Variants in EXOC4 observed in about 807,000 individuals in gnomAD.
EXOC4 encodes SEC8-like 1.
Under a neutral mutation model 107.2 loss-of-function variants are expected in EXOC4, and 71 were observed. The observed-to-expected ratio is 0.66, with a 90% CI of 0.55 to 0.81. The LOEUF is 0.81. Among genes scored for constraint, EXOC4 ranks in the 30% least tolerant of loss-of-function variants. The pLI is 0.00. For synonymous variants in EXOC4, 456 were observed against 441.2 expected (o/e 1.03, Z -0.42); for missense variants, 1,108 against 1,189.6 (o/e 0.93, Z 1.01).
chr7:133,846,816 T>C lies in EXOC4; in HGVS notation c.1734+29272T>C, dbSNP rs141399388. ...CAGGCCGTACTTTGCTGACTCCTGG[T>C]ATCTGGACAAGATTGCTGGGTTTCG... is the stretch of plus-strand genomic sequence containing the variant. On this transcript the variant is annotated intron_variant, in intron 11 of 17. Transcript: ENST00000253861. Among the ~76,000 whole-genome samples the C allele has an allele frequency of 2.4e-3, 366 of 152,356 alleles. 5 individuals are homozygous for C. Among genetic ancestry groups the C allele is most frequent in the African/African-American group, 8.2e-3 (342 of 41,596 alleles).
At chr7:134,038,834 C>T (rs1795451437) in intron 17 of EXOC4, among the ~76,000 whole-genome samples, 1 of 152,162 alleles carries the variant, frequency 6.6e-6, no homozygotes, top group Non-Finnish European at 1.5e-5. Context: ...TGGAAACAAG[C>T]TCTTCCTAGG....
At chr7:133,811,282 T>G (rs761617079) in intron 10 of EXOC4, among the ~76,000 whole-genome samples, 11 of 152,216 alleles carry the variant, frequency 7.2e-5, no homozygotes, top group Non-Finnish European at 1.6e-4. Context: ...AAGTATTTTC[T>G]TTTCTAATGA....
chr7:133,431,554 C>G (rs1797857175), intron 7 of EXOC4, among the ~76,000 whole-genome samples: 1 of 152,196 alleles, frequency 6.6e-6, no homozygotes, highest in African/African-American at 2.4e-5. Flanking sequence ...TCCTTTCTTT[C>G]CTAATCACTC....
At chr7:133,296,687 G>C (rs1794526608) in intron 3 of EXOC4, among the ~76,000 whole-genome samples, 1 of 151,808 alleles carries the variant, frequency 6.6e-6, no homozygotes. Context: ...TATTGTATTA[G>C]TTTTCCTTTT....
At chr7:133,375,035 T>C in intron 7 of EXOC4, 33 bp downstream of exon 7, 1 of 1,581,222 alleles carries the variant, frequency 6.3e-7, no homozygotes, top group South Asian at 1.1e-5. Context: ...GTCATCTTGA[T>C]TCAGAGTAAC....
intron 10 of EXOC4, among the ~76,000 whole-genome samples, chr7:133,769,304 TG>T (rs1426534733): frequency 3.3e-5 from 5 of 151,862 alleles, no homozygotes; most frequent in Non-Finnish European, 5.9e-5. Flanking sequence ...TGTTGAAAGC[TG>T]GGCTTTCATT....
intron 11 of EXOC4, among the ~76,000 whole-genome samples, chr7:133,876,223 TG>T (rs1645253982): frequency 2.7e-5 from 1 of 37,478 alleles, no homozygotes; most frequent in African/African-American, 1.5e-4. Context: ...AATGAAGAGG[TG>T]TGTGTGTGTG....
intron 10 of EXOC4, among the ~76,000 whole-genome samples, chr7:133,673,589 C>A (rs955697417): frequency 6.6e-6 from 1 of 152,316 alleles, no homozygotes; most frequent in Admixed American, 6.5e-5. Context: ...CATGTCCCAA[C>A]CTCTGGTTGT....
At chr7:133,459,124 G>T (rs1007163827) in intron 7 of EXOC4, among the ~76,000 whole-genome samples, 3 of 152,218 alleles carry the variant, frequency 2.0e-5, no homozygotes, top group Non-Finnish European at 4.4e-5. Flanking sequence ...GAGAACATGA[G>T]GTACATGAAT....
At chr7:133,479,932 C>T (rs1048286044) in intron 8 of EXOC4, 118 bp from the exon 9 acceptor site, 9 of 835,992 alleles carry the variant, frequency 1.1e-5, no homozygotes, top group African/African-American at 5.0e-5. Context: ...AAAGTGTCTT[C>T]ATCACGGAAC....
intron 9 of EXOC4, among the ~76,000 whole-genome samples, chr7:133,512,680 A>G (rs1355133277): frequency 6.6e-6 from 1 of 152,146 alleles, no homozygotes; most frequent in Admixed American, 6.5e-5. Context: ...CCAAACAAAA[A>G]CAAACTGGAG....
chr7:133,446,074 G>A (rs995666150), intron 7 of EXOC4, among the ~76,000 whole-genome samples: 5 of 151,104 alleles, frequency 3.3e-5, no homozygotes, highest in African/African-American at 1.2e-4. Flanking sequence ...CCTTGTTAAG[G>A]AAGATCTCTT....
intron 10 of EXOC4, among the ~76,000 whole-genome samples, chr7:133,669,069 T>C (rs966159228): frequency 6.7e-6 from 1 of 150,170 alleles, no homozygotes; most frequent in African/African-American, 2.4e-5. Context: ...TTCTAGTTAG[T>C]AAGGCATGTT....
chr7:133,271,580 G>A (rs1320707442), intron 1 of EXOC4, among the ~76,000 whole-genome samples: 4 of 152,194 alleles, frequency 2.6e-5, no homozygotes, highest in Non-Finnish European at 5.9e-5. Flanking sequence ...AGGGGCAGAT[G>A]TGTTTCCAGT....
chr7:134,036,413 C>A (rs1324741035), intron 17 of EXOC4, among the ~76,000 whole-genome samples: 9 of 152,112 alleles, frequency 5.9e-5, no homozygotes, highest in Admixed American at 4.6e-4. Flanking sequence ...TATGAGGAAA[C>A]CCCATCTCTA....
At chr7:133,481,594 C>A (rs1381733734) in intron 9 of EXOC4, among the ~76,000 whole-genome samples, 1 of 152,180 alleles carries the variant, frequency 6.6e-6, no homozygotes, top group African/African-American at 2.4e-5. Flanking sequence ...TCCAAAGATG[C>A]TGCTGTACTC....
At chr7:133,721,019 G>A (rs1463963926) in intron 10 of EXOC4, among the ~76,000 whole-genome samples, 5 of 152,170 alleles carry the variant, frequency 3.3e-5, no homozygotes, top group Non-Finnish European at 5.9e-5. Context: ...TTTGCTTCTG[G>A]TAGACTTGCT....
At chr7:133,551,730 A>C (rs1420569421) in intron 9 of EXOC4, 1 of 152,132 alleles carries the variant, frequency 6.6e-6, no homozygotes, top group African/African-American at 2.4e-5. Context: ...GCTGATTTTC[A>C]TTCACTTAAA....
intron 14 of EXOC4, among the ~76,000 whole-genome samples, chr7:133,941,851 C>CTCTCTCTCTCTCTCTT (rs1330545954): frequency 6.6e-6 from 1 of 151,786 alleles, no homozygotes; most frequent in Non-Finnish European, 1.5e-5. Flanking sequence ...CTCTCTCTCT[C>CTCTCTCTCTCTCTCTT]GGATCTAAGT....
Sources: gnomAD v4.1 joint callset for allele counts (sites outside exome capture counted in the v4.1 genomes callset) on GRCh38, gnomAD v4.1.1 for gene constraint, MANE v1.5 for transcripts, NCBI Gene and HGNC (gene_info 2026-07-23, HGNC 2026-07-21) for gene names.